ITGB6: variants seen among roughly 807,000 people sequenced by gnomAD.
ITGB6 encodes integrin beta-6.
Under a neutral mutation model 84.5 loss-of-function variants are expected in ITGB6, and 80 were observed. That is an observed-to-expected ratio of 0.95 (90% confidence interval 0.79 to 1.14). The LOEUF is 1.14. ITGB6 is among the 50% of genes most tolerant of loss of function. The probability of loss-of-function intolerance (pLI) is 0.00; values close to 1 mark genes in which losing one functional copy is unlikely to be tolerated. For synonymous variants in ITGB6, 383 were observed against 354.9 expected (o/e 1.08, Z -0.89); for missense variants, 1,006 against 968.0 (o/e 1.04, Z -0.52).
At position 160,126,423 on chromosome 2, in the gene ITGB6, G is replaced by A. The variant is rs1281586651; in HGVS notation, c.1839C>T (p.Thr613=). Residue 613 remains threonine (T), a synonymous_variant, in exon 11 of 15, where the codon ACC becomes ACT. Coordinates refer to ENST00000283249, the MANE Select transcript of ITGB6 (RefSeq NM_000888.5). ...CACCACAGGTAGGACATCGTTCACA[G>A]GTTGGTCCTGAGGCTCCAGGGTTTG... ...VCTNPGASGP[T]CERCPTCGDP... 6.2e-7 allele frequency: 1 copy of A among 1,614,182 alleles called. No individual in the cohort carries two copies. The highest frequency in any genetic ancestry group is 2.2e-5 in the East Asian group (1 of 44,880).
intron 8 of ITGB6, 65 bp downstream of exon 8, chr2:160,141,917 A>G (rs1684013861): frequency 9.6e-7 from 1 of 1,039,396 alleles, no homozygotes; most frequent in Admixed American, 2.0e-5. Context: ...TAACTGCCTA[A>G]ATCACATCTT....
At chr2:160,191,022 C>T (rs1430769756) in intron 4 of ITGB6, among the ~76,000 whole-genome samples, 2 of 152,006 alleles carry the variant, frequency 1.3e-5, no homozygotes, top group Admixed American at 1.3e-4. Context: ...CACAATATAC[C>T]AAAGAACTAA....
rs568092897 is a variant in ITGB6 at position 160,115,776 on chromosome 2, C to T, written c.1982-3577G>A. ...TTAAAAACTGTGAAAAAAAATTAGACGAATGGATAACTAGAATAATCAACG... is the reference window on the plus strand; with the variant it reads ...TTAAAAACTGTGAAAAAAAATTAGATGAATGGATAACTAGAATAATCAACG... On this transcript the variant is annotated intron_variant, in intron 12 of 14. Coordinates refer to ENST00000283249, the MANE Select transcript of ITGB6 (RefSeq NM_000888.5). Among the ~76,000 whole-genome samples the T allele has an allele frequency of 1.6e-4, 24 of 152,198 alleles. No individual in the cohort carries two copies. The East Asian group carries it at 1.7e-3, about 11-fold the overall frequency.
intron 7 of ITGB6, among the ~76,000 whole-genome samples, chr2:160,146,982 C>T (rs1684221115): frequency 6.6e-6 from 1 of 151,532 alleles, no homozygotes; most frequent in African/African-American, 2.4e-5. Flanking sequence ...CACCTGCAGT[C>T]CCAGCCACTG....
At chr2:160,137,342 T>C (rs886349523) in intron 10 of ITGB6, 92 bp downstream of exon 10, 9 of 1,193,164 alleles carry the variant, frequency 7.5e-6, no homozygotes, top group Non-Finnish European at 1.1e-5. Context: ...GAGCACCTAC[T>C]GTGCCCAGGA....
chr2:160,105,295 C>A (rs1696864389), intron 14 of ITGB6, among the ~76,000 whole-genome samples: 1 of 152,034 alleles, frequency 6.6e-6, no homozygotes, highest in South Asian at 2.1e-4. Context: ...GAAGAAACAG[C>A]AAAAATTCAG....
At chr2:160,147,636 A>C (rs1477062834) in intron 7 of ITGB6, among the ~76,000 whole-genome samples, 1 of 152,218 alleles carries the variant, frequency 6.6e-6, no homozygotes, top group Non-Finnish European at 1.5e-5. Context: ...ATAGTCAGAC[A>C]AATGTAACAG....
intron 4 of ITGB6, among the ~76,000 whole-genome samples, chr2:160,192,857 T>C (rs1412369604): frequency 6.6e-6 from 1 of 151,850 alleles, no homozygotes; most frequent in Non-Finnish European, 1.5e-5. Flanking sequence ...AAATAAGAAA[T>C]AAGAATGGCA....
chr2:160,167,735 G>A (rs543508621), intron 7 of ITGB6, among the ~76,000 whole-genome samples: 3 of 152,288 alleles, frequency 2.0e-5, no homozygotes, highest in South Asian at 2.1e-4. Flanking sequence ...TTTAATAGCG[G>A]TTTTGGGGAG....
chr2:160,165,130 C>T (rs1684957633), intron 7 of ITGB6, among the ~76,000 whole-genome samples: 2 of 152,182 alleles, frequency 1.3e-5, no homozygotes, highest in Non-Finnish European at 2.9e-5. Context: ...CGTTTTACTC[C>T]TAGATGATTT....
At chr2:160,168,105 A>G (rs936970059) in intron 7 of ITGB6, among the ~76,000 whole-genome samples, 1 of 152,232 alleles carries the variant, frequency 6.6e-6, no homozygotes, top group Non-Finnish European at 1.5e-5. Context: ...CGTAGAACAC[A>G]GGTTTCAAGT....
At chr2:160,125,908 G>A (rs1483022703) in intron 11 of ITGB6, among the ~76,000 whole-genome samples, 1 of 152,154 alleles carries the variant, frequency 6.6e-6, no homozygotes, top group Non-Finnish European at 1.5e-5. Context: ...AGCTAAGATC[G>A]TCTTTCTGCC....
chr2:160,121,461 C>T (rs1038183892), intron 12 of ITGB6, among the ~76,000 whole-genome samples: 2 of 152,188 alleles, frequency 1.3e-5, no homozygotes, highest in African/African-American at 2.4e-5. Context: ...AAACAATTCT[C>T]TGAGTACATG....
rs141343115 is a variant in ITGB6 at position 160,174,412 on chromosome 2, AGT to A, written c.594-275_594-274del. ...ACAGATAATCAGGTGATCAGACTCCAGTGTGTGTGTGTGTGTAATCACTACCT... is the reference window on the plus strand; with the variant it reads ...ACAGATAATCAGGTGATCAGACTCCAGTGTGTGTGTGTGTAATCACTACCT... On this transcript the variant is annotated intron_variant, in intron 4 of 14. Transcript: ENST00000283249. 1.9e-3 allele frequency among the ~76,000 whole-genome samples: 284 copies of A among 151,742 alleles called. 11 individuals are homozygous for A. The East Asian group carries it at 0.049, about 26-fold the overall frequency.
intron 4 of ITGB6, among the ~76,000 whole-genome samples, chr2:160,185,934 C>T (rs1685876208): frequency 6.6e-6 from 1 of 152,136 alleles, no homozygotes; most frequent in South Asian, 2.1e-4. Context: ...AAAAACTGAA[C>T]TGGACCCCTT....
At chr2:160,131,680 A>T (rs1683475739) in intron 10 of ITGB6, among the ~76,000 whole-genome samples, 1 of 152,208 alleles carries the variant, frequency 6.6e-6, no homozygotes, top group South Asian at 2.1e-4. Flanking sequence ...ATGTTACTAA[A>T]AACCAAAATA....
At chr2:160,164,853 C>G (rs1396060347) in intron 7 of ITGB6, among the ~76,000 whole-genome samples, 1 of 152,064 alleles carries the variant, frequency 6.6e-6, no homozygotes, top group Non-Finnish European at 1.5e-5. Flanking sequence ...TATGTGTGAT[C>G]TAAGGGGTAA....
intron 4 of ITGB6, among the ~76,000 whole-genome samples, chr2:160,193,927 C>T (rs1053080631): frequency 3.3e-5 from 5 of 152,158 alleles, no homozygotes; most frequent in Admixed American, 2.0e-4. Flanking sequence ...GAGGCCAAGG[C>T]GGGTGGATCG....
chr2:160,192,718 T>A (rs530125145), intron 4 of ITGB6, among the ~76,000 whole-genome samples: 7 of 152,158 alleles, frequency 4.6e-5, no homozygotes, highest in African/African-American at 1.4e-4. Context: ...GACTAAAATA[T>A]CTATTTTTTG....
Sources: allele counts gnomAD v4.1 joint callset (sites outside exome capture counted in the v4.1 genomes callset), GRCh38; gene constraint gnomAD v4.1.1; transcripts MANE v1.5; gene names NCBI Gene and HGNC (gene_info 2026-07-23, HGNC 2026-07-21).